ZNF804B: variants seen among roughly 807,000 people sequenced by gnomAD.
ZNF804B encodes the protein zinc finger protein 804B.
Under a neutral mutation model 101.4 loss-of-function variants are expected in ZNF804B, and 80 were observed. The ratio of observed to expected loss-of-function variants is 0.79; its 90% confidence interval spans 0.66 to 0.95. ZNF804B has a LOEUF of 0.95. ZNF804B is among the 40% of genes least tolerant of loss of function. The probability of loss-of-function intolerance (pLI) is 0.00; values close to 1 mark genes in which losing one functional copy is unlikely to be tolerated. For missense variants in ZNF804B, 1,673 were observed against 1,561.9 expected (o/e 1.07, Z -1.20); for synonymous variants, 622 against 558.8 (o/e 1.11, Z -1.59).
intron 1 of ZNF804B, among the ~76,000 whole-genome samples, chr7:88,885,748 C>G (rs1792116411): frequency 6.6e-6 from 1 of 151,198 alleles, no homozygotes; most frequent in South Asian, 2.1e-4. Flanking sequence ...ATCTTCTTGT[C>G]ATTGTGAAAT....
At chr7:88,851,723 TAAAG>T (rs1452496984) in intron 1 of ZNF804B, among the ~76,000 whole-genome samples, 2 of 152,090 alleles carry the variant, frequency 1.3e-5, no homozygotes, top group African/African-American at 4.8e-5. Flanking sequence ...TGAGTAAATA[TAAAG>T]AGTTTTTTTT....
chr7:88,877,006 A>AAAATATATATAT (rs1171913711), intron 1 of ZNF804B, among the ~76,000 whole-genome samples: 3 of 84,266 alleles, frequency 3.6e-5, no homozygotes, highest in East Asian at 3.7e-4. Context: ...TTGAAAAAAA[A>AAAATATATATAT]AATATATATA....
chr7:88,835,257 T>G (rs1791195216), intron 1 of ZNF804B, among the ~76,000 whole-genome samples: 1 of 151,828 alleles, frequency 6.6e-6, no homozygotes, highest in South Asian at 2.1e-4. Context: ...GCTGAAAGCT[T>G]CTGAAGCTGG....
chr7:88,904,240 T>G (rs1381574773), intron 1 of ZNF804B, among the ~76,000 whole-genome samples: 1 of 152,186 alleles, frequency 6.6e-6, no homozygotes, highest in African/African-American at 2.4e-5. Context: ...TTTGTCAGCC[T>G]TGTCAAAGAT....
intron 1 of ZNF804B, among the ~76,000 whole-genome samples, chr7:89,036,934 A>G (rs1180550712): frequency 2.0e-5 from 3 of 152,182 alleles, no homozygotes. Flanking sequence ...TGTGGAAATC[A>G]AAATTGGTTC....
intron 1 of ZNF804B, among the ~76,000 whole-genome samples, chr7:88,955,335 C>T (rs1306398347): frequency 1.3e-5 from 2 of 151,444 alleles, no homozygotes; most frequent in African/African-American, 4.8e-5. Context: ...ATTATTTTAT[C>T]TACATGAGAG....
chr7:88,791,624 C>A (rs1471223607), intron 1 of ZNF804B, among the ~76,000 whole-genome samples: 1 of 151,768 alleles, frequency 6.6e-6, no homozygotes, highest in African/African-American at 2.4e-5. Flanking sequence ...TTGAATATAC[C>A]CCCTATTGCT....
At chr7:89,092,848 A>T (rs1048007750) in intron 1 of ZNF804B, among the ~76,000 whole-genome samples, 5 of 152,164 alleles carry the variant, frequency 3.3e-5, no homozygotes, top group Non-Finnish European at 7.3e-5. Flanking sequence ...ACATTTTTAA[A>T]GAGTCCTGGT....
At chr7:89,125,956 A>T (rs577260713) in intron 1 of ZNF804B, among the ~76,000 whole-genome samples, 3 of 152,186 alleles carry the variant, frequency 2.0e-5, no homozygotes, top group South Asian at 4.1e-4. Context: ...TGGCAAGCAC[A>T]TTACTCTGCC....
At position 89,171,359 on chromosome 7, in the gene ZNF804B, CTCCTCTTCCTCT is replaced by C. The variant is rs1270669599; in HGVS notation, c.109-46793_109-46782del. On this transcript the variant is annotated intron_variant, in intron 1 of 3. Transcript: ENST00000333190. ...CTTCTTCTTCTTCTTCTTCTTCTTC[CTCCTCTTCCTCT>C]TCTTCCTCTTCTTCCTCTTCTTCCT... Among the ~76,000 whole-genome samples the C allele has an allele frequency of 5.3e-3, 357 of 66,978 alleles. 5 individuals are homozygous for C. Among genetic ancestry groups the C allele is most frequent in the Non-Finnish European group, 7.9e-3 (243 of 30,906 alleles). The allele number at this position is 66,978 out of a possible 152,430, so 43.9% of individuals were successfully genotyped here. A position where few individuals can be genotyped will look rare whatever the true frequency, so the allele number is the denominator to read the frequency against.
At position 89,275,155 on chromosome 7, in the gene ZNF804B, A is replaced by T. The variant is rs150764922; in HGVS notation, c.250-52189A>T. Reference sequence around the variant, plus strand: ...GTTTTTCTTCAAGTCTTTCCATTCCAAGGAAGTGGAAAGTTCAGCCTTCCA... The same window carrying T: ...GTTTTTCTTCAAGTCTTTCCATTCCTAGGAAGTGGAAAGTTCAGCCTTCCA... On this transcript the variant is annotated intron_variant, in intron 2 of 3. Coordinates refer to ENST00000333190, the MANE Select transcript of ZNF804B (RefSeq NM_181646.5). Among the ~76,000 whole-genome samples the T allele has an allele frequency of 6.3e-4, 96 of 152,082 alleles. 3 individuals are homozygous for T. Among genetic ancestry groups the T allele is most frequent in the African/African-American group, 2.2e-3 (89 of 41,358 alleles).
Position 89,193,776 on chromosome 7 carries a change from TG to T in ZNF804B, c.109-24378del, listed in dbSNP as rs531786724. ...TGAATAGTGCCACAATAAACATACG[TG>T]TGCATGTGTCTTTATAGCAGCATGA... On this transcript the variant is annotated intron_variant, in intron 1 of 3. Coordinates refer to ENST00000333190, the MANE Select transcript of ZNF804B (RefSeq NM_181646.5). 4.2e-3 allele frequency among the ~76,000 whole-genome samples: 638 copies of T among 152,196 alleles called. 3 individuals carry two copies. The highest frequency in any genetic ancestry group is 0.015 in the African/African-American group (606 of 41,532).
intron 1 of ZNF804B, among the ~76,000 whole-genome samples, chr7:89,069,969 C>A (rs2116295439): frequency 6.6e-6 from 1 of 152,226 alleles, no homozygotes; most frequent in Non-Finnish European, 1.5e-5. Flanking sequence ...TAAATGGTAC[C>A]TTATTATTAA....
At chr7:89,173,745 TATCC>T (rs67518267) in intron 1 of ZNF804B, among the ~76,000 whole-genome samples, 1 of 151,622 alleles carries the variant, frequency 6.6e-6, no homozygotes. Context: ...TCCATCCATT[TATCC>T]ATCCATCCAT....
At position 88,806,153 on chromosome 7, in the gene ZNF804B, T is replaced by C. The variant is rs564762599; in HGVS notation, c.108+46069T>C. 3.3e-5 allele frequency among the ~76,000 whole-genome samples: 5 copies of C among 152,266 alleles called. No individual in the cohort carries two copies. The East Asian group carries it at 5.8e-4, about 18-fold the overall frequency. On this transcript the variant is annotated intron_variant, in intron 1 of 3. Coordinates refer to ENST00000333190, the MANE Select transcript of ZNF804B (RefSeq NM_181646.5). The stretch of plus-strand genomic sequence containing the variant: ...TCCCTCCCACTGTTCAGTTGTGGTA[T>C]ACTCAGAAAAATCTAAACATTAATC...
At chr7:88,762,569 G>A (rs751234168) in intron 1 of ZNF804B, among the ~76,000 whole-genome samples, 4 of 151,840 alleles carry the variant, frequency 2.6e-5, no homozygotes, top group African/African-American at 9.7e-5. Flanking sequence ...TTTTAATTCA[G>A]CAATACACAT....
chr7:89,208,782 G>A (rs532106326), intron 1 of ZNF804B, among the ~76,000 whole-genome samples: 1 of 152,232 alleles, frequency 6.6e-6, no homozygotes, highest in Non-Finnish European at 1.5e-5. Context: ...AGAGGCCGAG[G>A]TGGGTGGATC....
At chr7:89,221,235 G>A (rs1788999124) in intron 2 of ZNF804B, among the ~76,000 whole-genome samples, 1 of 151,780 alleles carries the variant, frequency 6.6e-6, no homozygotes, top group Non-Finnish European at 1.5e-5. Flanking sequence ...TTTTACCCCT[G>A]CTACATATAT....
At chr7:89,026,637 A>G (rs2116224400) in intron 1 of ZNF804B, among the ~76,000 whole-genome samples, 1 of 152,190 alleles carries the variant, frequency 6.6e-6, no homozygotes, top group East Asian at 1.9e-4. Flanking sequence ...CACAAATGAT[A>G]GAACCTAACG....
Sources: allele counts gnomAD v4.1 joint callset (sites outside exome capture counted in the v4.1 genomes callset), GRCh38; gene constraint gnomAD v4.1.1; transcripts MANE v1.5; gene names NCBI Gene and HGNC (gene_info 2026-07-23, HGNC 2026-07-21).